Variants in HMCN1 observed in about 807,000 individuals in gnomAD.
HMCN1 encodes hemicentin 1, also known as hemicentin-1.
HMCN1 carries 321 observed loss-of-function variants against 625.9 expected under a neutral mutation model. The observed-to-expected ratio is 0.51, with a 90% CI of 0.47 to 0.56. The LOEUF (loss-of-function observed/expected upper bound fraction) is 0.56, where lower values mean the gene tolerates loss of function less well. Ranked by LOEUF, HMCN1 falls within the 20% of genes least tolerant of loss-of-function variation. The probability of loss-of-function intolerance (pLI) is 0.00; values close to 1 mark genes in which losing one functional copy is unlikely to be tolerated. For synonymous variants in HMCN1, 2,425 were observed against 2,417.6 expected (o/e 1.00, Z -0.09); for missense variants, 6,588 against 6,887.3 (o/e 0.96, Z 1.54).
At chr1:186,129,436 A>C (rs934991838) in intron 83 of HMCN1, among the ~76,000 whole-genome samples, 16 of 151,832 alleles carry the variant, frequency 1.1e-4, no homozygotes, top group Middle Eastern at 3.4e-3. Context: ...ACCATTTATG[A>C]TTTACAGAGA....
chr1:185,986,238 C>T (rs1287245090), intron 19 of HMCN1, among the ~76,000 whole-genome samples: 1 of 152,142 alleles, frequency 6.6e-6, no homozygotes, highest in Non-Finnish European at 1.5e-5. Context: ...CATATCTAAT[C>T]TAAGCCTTCC....
intron 1 of HMCN1, among the ~76,000 whole-genome samples, chr1:185,835,217 G>A (rs1400176265): frequency 1.3e-5 from 2 of 152,204 alleles, no homozygotes; most frequent in Non-Finnish European, 2.9e-5. Flanking sequence ...AAGAGGAGAA[G>A]CATGGGAATT....
At chr1:185,757,136 G>A (rs1365798300) in intron 1 of HMCN1, among the ~76,000 whole-genome samples, 2 of 151,942 alleles carry the variant, frequency 1.3e-5, no homozygotes, top group African/African-American at 2.4e-5. Context: ...CACCATGCCC[G>A]GCTTTTTTGT....
At chr1:185,771,337 G>A (rs1167493306) in intron 1 of HMCN1, among the ~76,000 whole-genome samples, 3 of 152,116 alleles carry the variant, frequency 2.0e-5, no homozygotes, top group Non-Finnish European at 4.4e-5. Flanking sequence ...TAGACACTGG[G>A]GCTTTCAACA....
chr1:186,166,243 A>G lies in HMCN1; in HGVS notation c.15379A>G (p.Thr5127Ala), dbSNP rs1477696779. The G allele has an allele frequency of 1.2e-6, 2 of 1,614,020 alleles. No individual in the cohort carries two copies. Among genetic ancestry groups the G allele is most frequent in the East Asian group, 2.2e-5 (1 of 44,858 alleles). The stretch of plus-strand genomic sequence containing the variant: ...CCATAGCTGCCACAATGCCATGGGG[A>G]CTTACTACTGCTCCTGCCCTAAAGG... Reference protein sequence around the residue: ...CSHSCHNAMGTYYCSCPKGLT... With the variant: ...CSHSCHNAMGAYYCSCPKGLT... Residue 5127 changes from threonine to alanine, a missense_variant, in exon 99 of 107, where the codon ACT becomes GCT. This residue lies in a region of HMCN1 where 1,954 missense variants were observed against 2,013.1 expected (regional missense o/e 0.97). Coordinates refer to ENST00000271588, the MANE Select transcript of HMCN1 (RefSeq NM_031935.3).
chr1:185,771,282 G>A (rs1030087139), intron 1 of HMCN1, among the ~76,000 whole-genome samples: 1 of 152,160 alleles, frequency 6.6e-6, no homozygotes, highest in Admixed American at 6.6e-5. Flanking sequence ...AGTAGCGTTT[G>A]GCAGATAACC....
At chr1:185,975,915 C>T (rs902073672) in intron 15 of HMCN1, among the ~76,000 whole-genome samples, 10 of 152,108 alleles carry the variant, frequency 6.6e-5, no homozygotes, top group African/African-American at 2.4e-5. Flanking sequence ...CACGCACACA[C>T]ACACTGTGTT....
chr1:185,990,674 A>G (rs969232456), intron 22 of HMCN1, among the ~76,000 whole-genome samples: 43 of 152,218 alleles, frequency 2.8e-4, no homozygotes, highest in African/African-American at 8.0e-4. Context: ...TCCCTGGTGC[A>G]TTTTATAAGG....
chr1:185,870,017 TTC>T (rs948408199), intron 4 of HMCN1, among the ~76,000 whole-genome samples: 10 of 151,184 alleles, frequency 6.6e-5, no homozygotes, highest in Non-Finnish European at 7.4e-5. Context: ...TTTTACTGCG[TTC>T]TGTTTTTTTT....
chr1:186,093,188 G>A lies in HMCN1; in HGVS notation c.9942G>A (p.Thr3314=), dbSNP rs75687673. The A allele has an allele frequency of 1.6e-3, 2,565 of 1,613,198 alleles. 25 individuals carry two copies. In the African/African-American group the frequency reaches 0.027, roughly 17 times the overall value. ...TTTATGGAGCTCTTACATCTGACAC[G>A]GGGAAATACACATGTGTTGCTACTA... ...LNIYGALTSD[T]GKYTCVATNP... Residue 3314 remains threonine (T), a synonymous_variant, in exon 65 of 107, where the codon ACG becomes ACA. Coordinates refer to ENST00000271588, the MANE Select transcript of HMCN1 (RefSeq NM_031935.3).
rs2102516365 is a variant in HMCN1 at position 186,130,508 on chromosome 1, A to C, written c.13041A>C (p.Glu4347Asp). ...VKAIGFVYVKEPPVFKGDYPS... is the reference protein window; with the variant it reads ...VKAIGFVYVKDPPVFKGDYPS... The stretch of plus-strand genomic sequence containing the variant: ...TACCTGTCTTATGTTGTTTTCCAGA[A>C]CCTCCAGTCTTCAAAGGTGATTATC... The change falls in exon 85 of 107, where the codon GAA becomes GAC. Residue 4347 changes from glutamate to aspartate, a missense_variant and splice_region_variant. Glu to Asp is a conservative substitution (Grantham distance 45, BLOSUM62 2). Transcript: ENST00000271588. 6.2e-7 allele frequency: 1 copy of C among 1,612,768 alleles called. No homozygotes were observed. Among genetic ancestry groups the C allele is most frequent in the African/African-American group, 1.3e-5 (1 of 74,940 alleles).
At chr1:186,063,451 AAGGAAGGAAGGAAGGAAG>A (rs1173399202) in intron 48 of HMCN1, among the ~76,000 whole-genome samples, 135 of 6,896 alleles carry the variant, frequency 0.02, no homozygotes, top group African/African-American at 0.028. Context: ...ACGGAGAGAG[AAGGAAGGAAGGAAGGAAG>A]GAAGGAAGGA....
chr1:186,099,118 A>T (rs528417791), intron 68 of HMCN1, among the ~76,000 whole-genome samples: 1 of 152,072 alleles, frequency 6.6e-6, no homozygotes, highest in African/African-American at 2.4e-5. Context: ...AGTTAATAAT[A>T]TACTATTGTA....
intron 1 of HMCN1, among the ~76,000 whole-genome samples, chr1:185,814,339 A>C (rs1036654728): frequency 6.6e-6 from 1 of 152,222 alleles, no homozygotes; most frequent in African/African-American, 2.4e-5. Flanking sequence ...ATTAAAAATT[A>C]GTGCTAGAAA....
At chr1:185,945,396 CATTT>C (rs1466340776) in intron 11 of HMCN1, among the ~76,000 whole-genome samples, 1 of 152,070 alleles carries the variant, frequency 6.6e-6, no homozygotes, top group Non-Finnish European at 1.5e-5. Context: ...CTTATTTGTT[CATTT>C]GTTTGTACAT....
In HMCN1 at chr1:186,095,147, C is replaced by T. The variant is rs183904340; in HGVS notation, c.10295-96C>T. 6.2e-4 allele frequency: 780 copies of T among 1,256,622 alleles called. 3 individuals carry two copies. The highest frequency in any genetic ancestry group is 1.2e-3 in the East Asian group (48 of 40,936). The allele number at this position is 1,256,622 out of a possible 1,614,324, so 77.8% of individuals were successfully genotyped here. ...TTTTAAAGTATATATTTTTATCAACCACAGAAACATTATAGAATTATTCAA... is the reference window on the plus strand; with the variant it reads ...TTTTAAAGTATATATTTTTATCAACTACAGAAACATTATAGAATTATTCAA... On this transcript the variant is annotated intron_variant, in intron 67 of 106. Transcript: ENST00000271588.
chr1:185,750,138 A>G (rs923444581), intron 1 of HMCN1, among the ~76,000 whole-genome samples: 9 of 152,158 alleles, frequency 5.9e-5, no homozygotes, highest in African/African-American at 1.9e-4. Flanking sequence ...TTCTAAATAT[A>G]AACTCCATGA....
At chr1:185,963,215 G>A (rs1312511338) in intron 12 of HMCN1, among the ~76,000 whole-genome samples, 1 of 152,102 alleles carries the variant, frequency 6.6e-6, no homozygotes, top group East Asian at 1.9e-4. Context: ...AAAGTATCCA[G>A]CCATGGGGCT....
At position 186,094,246 on chromosome 1, in the gene HMCN1, T is replaced by A. The variant is rs369549065; in HGVS notation, c.10197-30T>A. 6.7e-6 allele frequency: 10 copies of A among 1,498,486 alleles called. No individual in the cohort carries two copies. In the African/African-American group the frequency reaches 1.4e-4, roughly 21 times the overall value. 92.8% of individuals were successfully genotyped at this position (1,498,486 alleles called of 1,614,324 possible). A position where few individuals can be genotyped will look rare whatever the true frequency, so the allele number is the denominator to read the frequency against. Reference sequence around the variant, plus strand: ...TGTGTACTTGTTGTATGGGAGCAAGTGATGAAATGTGGATCAAATTGTTTC... The same window carrying A: ...TGTGTACTTGTTGTATGGGAGCAAGAGATGAAATGTGGATCAAATTGTTTC... On this transcript the variant is annotated intron_variant, in intron 66 of 106. Transcript: ENST00000271588.
Sources: allele counts gnomAD v4.1 joint callset (sites outside exome capture counted in the v4.1 genomes callset), GRCh38; gene constraint gnomAD v4.1.1; regional missense constraint gnomAD v4.1.1; transcripts MANE v1.5; gene names NCBI Gene and HGNC (gene_info 2026-07-23, HGNC 2026-07-21).